The following IL1RAPL2 variants were observed in gnomAD, a reference collection of about 807,000 sequenced individuals.
The protein encoded by IL1RAPL2 is interleukin 1 receptor accessory protein like 2.
Under a neutral mutation model 44.1 loss-of-function variants are expected in IL1RAPL2, and 3 were observed. That is an observed-to-expected ratio of 0.07 (90% CI 0.03 to 0.18). IL1RAPL2 has a LOEUF of 0.18. Ranked by LOEUF, IL1RAPL2 falls within the 10% of genes least tolerant of loss-of-function variation. The pLI is 1.00. For missense variants in IL1RAPL2, 391 were observed against 496.4 expected (o/e 0.79, Z 2.02); for synonymous variants, 181 against 178.8 (o/e 1.01, Z -0.10).
intron 2 of IL1RAPL2, among the ~76,000 whole-genome samples, chrX:104,738,338 G>C (rs748804414): frequency 1.6e-4 from 18 of 112,332 alleles, no homozygotes; most frequent in Non-Finnish European, 1.7e-4. Context: ...GTGATAAAGT[G>C]CAGTAATATG....
At chrX:105,526,854 T>G (rs762038417) in intron 6 of IL1RAPL2, among the ~76,000 whole-genome samples, 1 of 111,517 alleles carries the variant, frequency 9.0e-6, no homozygotes, top group Non-Finnish European at 1.9e-5. Flanking sequence ...TAGTGCTTTC[T>G]GGGCAGGAGA....
At chrX:104,660,898 A>T (rs1251063669) in intron 2 of IL1RAPL2, among the ~76,000 whole-genome samples, 1 of 105,078 alleles carries the variant, frequency 9.5e-6, no homozygotes, top group South Asian at 4.3e-4. Flanking sequence ...ATGCCACTGC[A>T]CTCCAGCCTG....
At position 105,674,926 on chromosome X, in the gene IL1RAPL2, C is replaced by T. The variant is rs77630286; in HGVS notation, c.773-42441C>T. ...TATTTTATTCTCTTTGTAGCAATTG[C>T]GAAGGGGGGGTTCCTTCATGATTTG... is the stretch of plus-strand genomic sequence containing the variant. On this transcript the variant is annotated intron_variant, in intron 6 of 10. Transcript: ENST00000372582. Among the ~76,000 whole-genome samples the T allele has an allele frequency of 9.1e-5, 10 of 109,450 alleles. 1 individual carries two copies. Among genetic ancestry groups the T allele is most frequent in the Admixed American group, 7.8e-4 (8 of 10,203 alleles).
intron 2 of IL1RAPL2, among the ~76,000 whole-genome samples, chrX:104,914,284 A>C (rs1326413242): frequency 3.6e-5 from 4 of 111,974 alleles, no homozygotes; most frequent in Non-Finnish European, 5.6e-5. Flanking sequence ...GTTTGGTTAG[A>C]AAGGGTTACG....
intron 2 of IL1RAPL2, among the ~76,000 whole-genome samples, chrX:105,001,214 C>A (rs759281576): frequency 8.1e-5 from 9 of 111,628 alleles, no homozygotes; most frequent in Non-Finnish European, 1.7e-4. Context: ...GTCCTATTGA[C>A]CCCTTAAGAT....
intron 2 of IL1RAPL2, among the ~76,000 whole-genome samples, chrX:105,088,582 G>A (rs560605411): frequency 1.8e-5 from 2 of 110,478 alleles, no homozygotes; most frequent in East Asian, 2.8e-4. Flanking sequence ...GCAGGCTATC[G>A]GTTATGCTAT....
chrX:105,110,607 A>G (rs1033896998), intron 2 of IL1RAPL2, among the ~76,000 whole-genome samples: 4 of 111,997 alleles, frequency 3.6e-5, no homozygotes, highest in Non-Finnish European at 7.5e-5. Flanking sequence ...ACAAGGTGAA[A>G]GATCCTTTTA....
chrX:104,811,982 G>T (rs889735292), intron 2 of IL1RAPL2, among the ~76,000 whole-genome samples: 1 of 110,873 alleles, frequency 9.0e-6, no homozygotes, highest in Non-Finnish European at 1.9e-5. Context: ...AATAAGAAAT[G>T]TCTCTTGTCT....
At chrX:104,611,129 C>T (rs1044486267) in intron 1 of IL1RAPL2, among the ~76,000 whole-genome samples, 10 of 111,646 alleles carry the variant, frequency 9.0e-5, no homozygotes, top group Non-Finnish European at 1.9e-4. Context: ...TCAGGGTATA[C>T]GGGGTTCAGG....
intron 5 of IL1RAPL2, chrX:105,405,733 A>C: frequency 2.1e-6 from 2 of 968,028 alleles, no homozygotes; most frequent in Non-Finnish European, 3.0e-6. Flanking sequence ...TTGTCACACA[A>C]AAGTGTGTCC....
At chrX:105,417,559 T>C in intron 5 of IL1RAPL2, among the ~76,000 whole-genome samples, 1 of 113,034 alleles carries the variant, frequency 8.8e-6, no homozygotes, top group East Asian at 2.8e-4. Flanking sequence ...TCACATGTAC[T>C]AAAATTATTT....
At chrX:104,756,874 G>T (rs367691624) in intron 2 of IL1RAPL2, among the ~76,000 whole-genome samples, 11 of 109,656 alleles carry the variant, frequency 1.0e-4, no homozygotes, top group African/African-American at 3.3e-4. Flanking sequence ...AAGTGCAAAG[G>T]CCCTGAGACG....
intron 3 of IL1RAPL2, among the ~76,000 whole-genome samples, chrX:105,223,937 G>A (rs2033991103): frequency 9.0e-6 from 1 of 111,428 alleles, no homozygotes; most frequent in Non-Finnish European, 1.9e-5. Flanking sequence ...AAATGCCTTT[G>A]TGATAGTTAT....
chrX:105,325,539 TTTTATATA>T (rs1480675496), intron 5 of IL1RAPL2, among the ~76,000 whole-genome samples: 2 of 33,735 alleles, frequency 5.9e-5, no homozygotes, highest in Non-Finnish European at 9.4e-5. Flanking sequence ...TCTCTCTTGG[TTTTATATA>T]TATATATATA....
At chrX:104,891,871 C>G (rs1231003963) in intron 2 of IL1RAPL2, among the ~76,000 whole-genome samples, 1 of 111,457 alleles carries the variant, frequency 9.0e-6, no homozygotes, top group African/African-American at 3.3e-5. Context: ...CTGTCTTGTG[C>G]CCGTTTTCAA....
intron 2 of IL1RAPL2, among the ~76,000 whole-genome samples, chrX:105,168,185 C>T (rs1380911211): frequency 8.9e-6 from 1 of 112,017 alleles, no homozygotes; most frequent in Non-Finnish European, 1.9e-5. Flanking sequence ...GATGGCCAGC[C>T]ACATTGGTCT....
intron 2 of IL1RAPL2, among the ~76,000 whole-genome samples, chrX:104,968,617 T>C (rs972259811): frequency 9.0e-6 from 1 of 111,611 alleles, no homozygotes. Context: ...ACTTTCATGA[T>C]TTGCCTACAT....
At chrX:104,692,818 T>C (rs1449295766) in intron 2 of IL1RAPL2, among the ~76,000 whole-genome samples, 2 of 111,761 alleles carry the variant, frequency 1.8e-5, no homozygotes, top group African/African-American at 6.5e-5. Context: ...TGTGCATGTG[T>C]CTTTATAGCA....
chrX:104,650,854 T>A (rs1930139963), intron 1 of IL1RAPL2, among the ~76,000 whole-genome samples: 2 of 111,634 alleles, frequency 1.8e-5, no homozygotes, highest in Admixed American at 9.5e-5. Flanking sequence ...TCAGTAGTGG[T>A]TAAGAGATTG....
Sources: gnomAD v4.1 joint callset for allele counts (sites outside exome capture counted in the v4.1 genomes callset) on GRCh38, gnomAD v4.1.1 for gene constraint, MANE v1.5 for transcripts, NCBI Gene and HGNC (gene_info 2026-07-23, HGNC 2026-07-21) for gene names.